SLC6A11: variants seen among roughly 807,000 people sequenced by gnomAD.
SLC6A11 encodes sodium- and chloride-dependent GABA transporter 3.
A neutral mutation model predicts 74.8 loss-of-function variants in SLC6A11; 25 were observed. That is an observed-to-expected ratio of 0.33 (90% CI 0.24 to 0.47). The LOEUF (loss-of-function observed/expected upper bound fraction) is 0.47, where lower values mean the gene tolerates loss of function less well. Ranked by LOEUF, SLC6A11 falls within the 20% of genes least tolerant of loss-of-function variation. The pLI is 1.00. For synonymous variants in SLC6A11, 330 were observed against 330.2 expected (o/e 1.00, Z 0.01); for missense variants, 574 against 837.0 (o/e 0.69, Z 3.88).
chr3:10,845,587 C>T (rs1694493029), intron 5 of SLC6A11, among the ~76,000 whole-genome samples: 1 of 152,100 alleles, frequency 6.6e-6, no homozygotes, highest in Non-Finnish European at 1.5e-5. Context: ...TCAGCTCCCA[C>T]AATGGTGGGT....
chr3:10,934,948 C>A, intron 12 of SLC6A11, 81 bp from the exon 13 acceptor site: 1 of 1,262,112 alleles, frequency 7.9e-7, no homozygotes. Context: ...TCTGGCTAGT[C>A]TGTTCCTGGG....
chr3:10,919,599 A>T (rs879128446), intron 8 of SLC6A11, among the ~76,000 whole-genome samples: 1 of 152,218 alleles, frequency 6.6e-6, no homozygotes, highest in African/African-American at 2.4e-5. Flanking sequence ...GCTGATCAGC[A>T]AGCTCTGCTC....
intron 7 of SLC6A11, among the ~76,000 whole-genome samples, chr3:10,916,482 A>C (rs1575701784): frequency 6.6e-6 from 1 of 152,348 alleles, no homozygotes; most frequent in East Asian, 1.9e-4. Context: ...TTTGGCTCCA[A>C]GGTCCAAGCC....
intron 5 of SLC6A11, among the ~76,000 whole-genome samples, chr3:10,851,727 G>A (rs563480369): frequency 1.3e-5 from 2 of 152,384 alleles, no homozygotes; most frequent in African/African-American, 4.8e-5. Flanking sequence ...TAAGCCTTAA[G>A]ATCATGGGGG....
chr3:10,818,296 T>A (rs1694091152), intron 1 of SLC6A11, among the ~76,000 whole-genome samples: 1 of 152,200 alleles, frequency 6.6e-6, no homozygotes, highest in African/African-American at 2.4e-5. Context: ...AACAGCATGT[T>A]AGGGGACCTG....
intron 4 of SLC6A11, among the ~76,000 whole-genome samples, chr3:10,837,646 G>A (rs772116689): frequency 1.0e-3 from 159 of 152,284 alleles, no homozygotes; most frequent in Non-Finnish European, 9.0e-4. Flanking sequence ...AAGCTGTAAC[G>A]GTCCTTGTTG....
chr3:10,938,512 G>A lies in SLC6A11; in HGVS notation c.*110G>A. 8.4e-7 allele frequency: 1 copy of A among 1,188,054 alleles called. No homozygotes were observed. The highest frequency in any genetic ancestry group is 1.2e-6 in the Non-Finnish European group (1 of 858,984). The allele number at this position is 1,188,054 out of a possible 1,614,324, so 73.6% of individuals were successfully genotyped here. On this transcript the variant is annotated 3_prime_UTR_variant, in exon 14 of 14. Transcript: ENST00000254488. ...GGTAGGGGCTTGCTTGTTTTGCACA[G>A]GATTAATTAACAAGTTAATTTTAAG...
At chr3:10,855,623 T>C (rs1694629879) in intron 5 of SLC6A11, among the ~76,000 whole-genome samples, 1 of 152,200 alleles carries the variant, frequency 6.6e-6, no homozygotes, top group Non-Finnish European at 1.5e-5. Context: ...CTGTGTACCA[T>C]GTCCTGTGCC....
chr3:10,919,269 A>G (rs1343678959), intron 8 of SLC6A11, among the ~76,000 whole-genome samples: 2 of 152,252 alleles, frequency 1.3e-5, no homozygotes, highest in African/African-American at 2.4e-5. Context: ...TTTCCAGAAA[A>G]TTAAGTGCAT....
chr3:10,837,995 C>T (rs1694388704), intron 4 of SLC6A11, among the ~76,000 whole-genome samples: 1 of 152,208 alleles, frequency 6.6e-6, no homozygotes, highest in African/African-American at 2.4e-5. Context: ...TTTGGGAGAC[C>T]AGCAGGGCTA....
chr3:10,883,345 C>G (rs1695005253), intron 6 of SLC6A11, among the ~76,000 whole-genome samples: 1 of 152,152 alleles, frequency 6.6e-6, no homozygotes, highest in African/African-American at 2.4e-5. Context: ...TGCAAGAAAT[C>G]ACATTGTTCC....
At chr3:10,822,241 C>G (rs1006592874) in intron 3 of SLC6A11, among the ~76,000 whole-genome samples, 2 of 152,202 alleles carry the variant, frequency 1.3e-5, no homozygotes, top group Non-Finnish European at 2.9e-5. Context: ...GCTCCTGCTC[C>G]GTGCTGGCCA....
Position 10,938,363 on chromosome 3 carries a change from G to T in SLC6A11, c.1860G>T (p.Gly620=), listed in dbSNP as rs1424460753. 6.2e-7 allele frequency: 1 copy of T among 1,610,806 alleles called. No homozygotes were observed. The highest frequency in any genetic ancestry group is 1.3e-5 in the African/African-American group (1 of 74,898). Residue 620 remains glycine, a synonymous_variant, in exon 14 of 14, where the codon GGG becomes GGT. Coordinates refer to ENST00000254488, the MANE Select transcript of SLC6A11 (RefSeq NM_014229.3). ...NDCDAKLKSD[G]TIAAITEKET... is the part of the protein sequence containing the mutation. ...GTGATGCCAAACTCAAGAGTGACGG[G>T]ACCATCGCAGCCATCACAGAGAAGG...
At chr3:10,870,786 T>G (rs1208577887) in intron 5 of SLC6A11, among the ~76,000 whole-genome samples, 1 of 152,184 alleles carries the variant, frequency 6.6e-6, no homozygotes, top group Admixed American at 6.5e-5. Context: ...TAAGCCACCT[T>G]TTGTACCCTG....
chr3:10,933,469 A>G (rs962377470), intron 11 of SLC6A11, among the ~76,000 whole-genome samples: 2 of 152,202 alleles, frequency 1.3e-5, no homozygotes, highest in African/African-American at 4.8e-5. Flanking sequence ...CTCAGGCACT[A>G]TGATCTTGGG....
intron 6 of SLC6A11, among the ~76,000 whole-genome samples, chr3:10,889,894 A>T (rs758599986): frequency 1.7e-4 from 26 of 152,132 alleles, no homozygotes; most frequent in Non-Finnish European, 3.5e-4. Context: ...CTCCCATGCC[A>T]GGGGGGAGAG....
Position 10,816,998 on chromosome 3 carries a change from G to A in SLC6A11, c.256+477G>A, listed in dbSNP as rs749252473. ...ATCCTCTCAGTCACTTTCGTAGGCA[G>A]GGGTCTACCCATTTTGCAGGTGAGG... On this transcript the variant is annotated intron_variant, in intron 1 of 13. Transcript: ENST00000254488. This position sits in a 1 kb window ranked among gnomAD's most constrained non-coding sequence, Gnocchi z 4.2. Among the ~76,000 whole-genome samples, 13 of 152,204 alleles carry A rather than the reference G, an allele frequency of 8.5e-5. No individual in the cohort carries two copies. Among genetic ancestry groups the A allele is most frequent in the Non-Finnish European group, 1.6e-4 (11 of 68,036 alleles).
intron 13 of SLC6A11, among the ~76,000 whole-genome samples, chr3:10,935,755 A>G (rs1034876790): frequency 1.3e-5 from 2 of 152,240 alleles, no homozygotes; most frequent in Non-Finnish European, 2.9e-5. Context: ...AATTTCATCA[A>G]AGTAGATTTT....
chr3:10,849,604 C>T (rs1258348608), intron 5 of SLC6A11, among the ~76,000 whole-genome samples: 1 of 152,110 alleles, frequency 6.6e-6, no homozygotes, highest in Non-Finnish European at 1.5e-5. Flanking sequence ...ATGAAAATTG[C>T]CCTTAGAATT....
Sources: gnomAD v4.1 joint callset for allele counts (sites outside exome capture counted in the v4.1 genomes callset) on GRCh38, gnomAD v4.1.1 for gene constraint, Gnocchi (gnomAD v3.1) non-coding constraint, MANE v1.5 for transcripts, NCBI Gene and HGNC (gene_info 2026-07-23, HGNC 2026-07-21) for gene names.